NALF1: variants seen among roughly 807,000 people sequenced by gnomAD.
The protein encoded by NALF1 is NALCN channel auxiliary factor 1, also known as family with sequence similarity 155 member A.
A neutral mutation model predicts 48.4 loss-of-function variants in NALF1; 3 were observed. The ratio of observed to expected loss-of-function variants is 0.06; its 90% CI spans 0.03 to 0.16. The LOEUF is 0.16. Among genes scored for constraint, NALF1 ranks in the 10% least tolerant of loss-of-function variants. The pLI is 1.00. For synonymous variants in NALF1, 262 were observed against 245.7 expected (o/e 1.07, Z -0.62); for missense variants, 526 against 571.5 (o/e 0.92, Z 0.81).
intron 1 of NALF1, among the ~76,000 whole-genome samples, chr13:107,554,874 G>A (rs1877410706): frequency 1.3e-5 from 2 of 152,062 alleles, no homozygotes; most frequent in African/African-American, 2.4e-5. Context: ...GGCTTGCAGG[G>A]TATAACTCCA....
chr13:107,587,762 T>C (rs1435618366), intron 1 of NALF1, among the ~76,000 whole-genome samples: 1 of 152,130 alleles, frequency 6.6e-6, no homozygotes, highest in Admixed American at 6.6e-5. Flanking sequence ...ACTAACTTAT[T>C]ATTTTTTTAT....
At chr13:107,645,529 A>G (rs1880291526) in intron 1 of NALF1, among the ~76,000 whole-genome samples, 1 of 152,078 alleles carries the variant, frequency 6.6e-6, no homozygotes, top group African/African-American at 2.4e-5. Flanking sequence ...TAGTATTTAC[A>G]ACCTGTTTAT....
chr13:107,675,608 G>C lies in NALF1; in HGVS notation c.915+190074C>G, dbSNP rs557615430. Reference sequence around the variant, plus strand: ...AAATGATTTCTTTGATATCATGCTGGCATTAACTAGGCTGAGTCTACTGTG... The same window carrying C: ...AAATGATTTCTTTGATATCATGCTGCCATTAACTAGGCTGAGTCTACTGTG... On this transcript the variant is annotated intron_variant, in intron 1 of 2. Coordinates refer to ENST00000375915, the MANE Select transcript of NALF1 (RefSeq NM_001080396.3). Among the ~76,000 whole-genome samples, 3 of 152,092 alleles carry C rather than the reference G, an allele frequency of 2.0e-5. No homozygotes were observed. In the East Asian group the frequency reaches 5.8e-4, roughly 29 times the overall value.
chr13:107,513,616 G>T (rs1875965462), intron 1 of NALF1, among the ~76,000 whole-genome samples: 2 of 152,094 alleles, frequency 1.3e-5, no homozygotes, highest in Admixed American at 1.3e-4. Flanking sequence ...ATTGCCTCAA[G>T]CCTAGATCAA....
chr13:107,634,275 T>C (rs1252638741), intron 1 of NALF1, among the ~76,000 whole-genome samples: 1 of 152,064 alleles, frequency 6.6e-6, no homozygotes, highest in Non-Finnish European at 1.5e-5. Flanking sequence ...ATATTCCATC[T>C]AGAAAAGGTT....
intron 1 of NALF1, among the ~76,000 whole-genome samples, chr13:107,644,800 G>A (rs1880269388): frequency 1.3e-5 from 2 of 151,728 alleles, no homozygotes; most frequent in African/African-American, 4.8e-5. Context: ...AGAAAGAAAA[G>A]TGAACACACC....
intron 1 of NALF1, among the ~76,000 whole-genome samples, chr13:107,673,389 G>T (rs1009957625): frequency 6.6e-6 from 1 of 152,168 alleles, no homozygotes; most frequent in Admixed American, 6.5e-5. Flanking sequence ...CTTCTGGAAG[G>T]TAGAGGGGCT....
chr13:107,200,187 C>A (rs572841112), intron 2 of NALF1, among the ~76,000 whole-genome samples: 1 of 152,188 alleles, frequency 6.6e-6, no homozygotes, highest in Non-Finnish European at 1.5e-5. Flanking sequence ...GTGCTCTGGG[C>A]ACACTTGCTC....
chr13:107,781,554 A>G (rs1877888941), intron 1 of NALF1, among the ~76,000 whole-genome samples: 1 of 151,892 alleles, frequency 6.6e-6, no homozygotes, highest in African/African-American at 2.4e-5. Context: ...AACATTACAT[A>G]TTTGAATTGT....
rs180702875 is a variant in NALF1, at chr13:107,341,407, T to A, written c.916-130652A>T. On this transcript the variant is annotated intron_variant, in intron 1 of 2. Coordinates refer to ENST00000375915, the MANE Select transcript of NALF1 (RefSeq NM_001080396.3). ...GAGCCAGCCTCCTCAGTGCCTTGCA[T>A]TGCTGTTAAGAGGGGAAGTTCTAGG... Among the ~76,000 whole-genome samples, 65 of 152,114 alleles carry A rather than the reference T, an allele frequency of 4.3e-4. 2 individuals are homozygous for A. In the South Asian group the frequency reaches 0.013, roughly 31 times the overall value.
At chr13:107,392,755 C>T (rs1883649079) in intron 1 of NALF1, among the ~76,000 whole-genome samples, 1 of 152,156 alleles carries the variant, frequency 6.6e-6, no homozygotes, top group Non-Finnish European at 1.5e-5. Context: ...CCCTCTTACA[C>T]AGACTGGAGG....
intron 1 of NALF1, among the ~76,000 whole-genome samples, chr13:107,439,168 G>A (rs1295821405): frequency 6.6e-6 from 1 of 152,112 alleles, no homozygotes; most frequent in Non-Finnish European, 1.5e-5. Flanking sequence ...ATCGACTTAT[G>A]TGTTAATTTA....
intron 1 of NALF1, among the ~76,000 whole-genome samples, chr13:107,816,132 G>A (rs564438023): frequency 6.6e-6 from 1 of 152,152 alleles, no homozygotes; most frequent in Non-Finnish European, 1.5e-5. Flanking sequence ...GAGCAAACCT[G>A]TAAACTAACT....
chr13:107,738,781 A>G (rs1419892187), intron 1 of NALF1, among the ~76,000 whole-genome samples: 1 of 151,986 alleles, frequency 6.6e-6, no homozygotes, highest in Non-Finnish European at 1.5e-5. Flanking sequence ...ATTCTGCCTC[A>G]GCCTCCCGAG....
At chr13:107,375,435 A>G (rs1044138135) in intron 1 of NALF1, among the ~76,000 whole-genome samples, 1 of 152,200 alleles carries the variant, frequency 6.6e-6, no homozygotes, top group Non-Finnish European at 1.5e-5. Context: ...TTTATAAAAA[A>G]TGTATATTAA....
rs113535911 is a variant in NALF1, at chr13:107,648,228, A to G, written c.915+217454T>C. On this transcript the variant is annotated intron_variant, in intron 1 of 2. Transcript: ENST00000375915. The stretch of plus-strand genomic sequence containing the variant: ...ATTCACATTAGGGTTCACTCTTTGC[A>G]TTGTGCAGTTCTATGGGTTTTGACA... Among the ~76,000 whole-genome samples, 235 of 152,210 alleles carry G rather than the reference A, an allele frequency of 1.5e-3. 2 individuals are homozygous for G. The highest frequency in any genetic ancestry group is 5.2e-3 in the African/African-American group (216 of 41,546).
chr13:107,808,060 A>G (rs1045121923), intron 1 of NALF1, among the ~76,000 whole-genome samples: 5 of 152,162 alleles, frequency 3.3e-5, no homozygotes, highest in African/African-American at 7.2e-5. Flanking sequence ...GGAGGGTTAC[A>G]TAAGTTGTTG....
chr13:107,329,324 G>T (rs1230578466), intron 1 of NALF1, among the ~76,000 whole-genome samples: 1 of 152,032 alleles, frequency 6.6e-6, no homozygotes, highest in African/African-American at 2.4e-5. Context: ...AATTCATATA[G>T]CAATTTAATA....
chr13:107,289,650 T>C (rs1881574709), intron 1 of NALF1, among the ~76,000 whole-genome samples: 2 of 152,266 alleles, frequency 1.3e-5, no homozygotes, highest in African/African-American at 4.8e-5. Context: ...GTGCTGATCT[T>C]TTCAGGGAGT....
Sources: gnomAD v4.1 joint callset for allele counts (sites outside exome capture counted in the v4.1 genomes callset) on GRCh38, gnomAD v4.1.1 for gene constraint, MANE v1.5 for transcripts, NCBI Gene and HGNC (gene_info 2026-07-23, HGNC 2026-07-21) for gene names.